CYFIP1: variants seen among roughly 807,000 people sequenced by gnomAD.
CYFIP1 encodes cytoplasmic FMR1-interacting protein 1.
CYFIP1 carries 58 observed loss-of-function variants against 163.5 expected under a neutral mutation model. The observed-to-expected ratio is 0.35, with a 90% confidence interval of 0.29 to 0.44. The LOEUF is 0.44. Ranked by LOEUF, CYFIP1 falls within the 20% of genes least tolerant of loss-of-function variation. The pLI, the probability that CYFIP1 is intolerant of heterozygous loss-of-function variation, is 1.00. For synonymous variants in CYFIP1, 663 were observed against 660.7 expected (o/e 1.00, Z -0.05); for missense variants, 1,338 against 1,653.8 (o/e 0.81, Z 3.31).
At chr15:22,883,751 A>G in intron 23 of CYFIP1, among the ~76,000 whole-genome samples, 1 of 141,176 alleles carries the variant, frequency 7.1e-6, no homozygotes, top group East Asian at 2.2e-4. Context: ...TGGGATGTGG[A>G]GCTTGCAGTG....
At chr15:22,957,358 C>T (rs1033727440) in intron 1 of CYFIP1, among the ~76,000 whole-genome samples, 18 of 152,214 alleles carry the variant, frequency 1.2e-4, no homozygotes, top group South Asian at 4.1e-4. Context: ...AAAAATTGGC[C>T]GGGCGCAGTG....
At chr15:22,874,786 C>G in intron 27 of CYFIP1, 142 bp from the exon 28 acceptor site, 2 of 617,544 alleles carry the variant, frequency 3.2e-6, no homozygotes, top group South Asian at 5.5e-5. Context: ...TTTTACAGAA[C>G]TGGCTCATTT....
At chr15:22,976,047 G>A (rs2140281911) in intron 1 of CYFIP1, among the ~76,000 whole-genome samples, 1 of 152,108 alleles carries the variant, frequency 6.6e-6, no homozygotes, top group South Asian at 2.1e-4. Context: ...TTACTTAAAT[G>A]ATCTTTGATT....
At chr15:22,907,312 T>C (rs1195911630) in intron 21 of CYFIP1, among the ~76,000 whole-genome samples, 7 of 152,200 alleles carry the variant, frequency 4.6e-5, no homozygotes, top group Non-Finnish European at 8.8e-5. Context: ...AACTCATGTG[T>C]ACTCAAATTG....
intron 13 of CYFIP1, among the ~76,000 whole-genome samples, chr15:22,920,201 G>A (rs1421559212): frequency 2.2e-5 from 2 of 91,904 alleles, no homozygotes; most frequent in African/African-American, 8.8e-5. Flanking sequence ...GTCTCACTCT[G>A]TTGCCCAGAC....
At chr15:22,943,753 C>T (rs1196456954) in intron 5 of CYFIP1, among the ~76,000 whole-genome samples, 2 of 152,114 alleles carry the variant, frequency 1.3e-5, no homozygotes, top group Non-Finnish European at 2.9e-5. Context: ...CCAGTTAGTT[C>T]CATCTCCTCC....
At chr15:22,932,646 CAA>C (rs1295044199) in intron 10 of CYFIP1, among the ~76,000 whole-genome samples, 1 of 152,230 alleles carries the variant, frequency 6.6e-6, no homozygotes, top group East Asian at 1.9e-4. Context: ...CAGTGCTTGG[CAA>C]AAGTCAATGA....
At chr15:22,951,718 C>A (rs1201666569) in intron 1 of CYFIP1, among the ~76,000 whole-genome samples, 1 of 152,326 alleles carries the variant, frequency 6.6e-6, no homozygotes, top group South Asian at 2.1e-4. Flanking sequence ...CCTGACCCCG[C>A]GCAGCACCCA....
chr15:22,917,607 C>T lies in CYFIP1; in HGVS notation c.1674+181G>A. The T allele has an allele frequency of 1.3e-6, 1 of 747,708 alleles. No individual in the cohort carries two copies. The highest frequency in any genetic ancestry group is 2.1e-6 in the Non-Finnish European group (1 of 485,378). The allele number at this position is 747,708 out of a possible 1,614,324, so 46.3% of individuals were successfully genotyped here. On this transcript the variant is annotated intron_variant, in intron 15 of 30. Transcript: ENST00000617928. The surrounding 1 kb of genome is among the most constrained non-coding windows in gnomAD (Gnocchi z 4.2). ...ATCTGACAATCAAGGCACGTCTCCT[C>T]ACGCTCCCAACTCACTTGGGTGGGA...
chr15:22,870,307 A>C, intron 30 of CYFIP1, 115 bp from the exon 31 acceptor site: 7 of 1,291,962 alleles, frequency 5.4e-6, no homozygotes, highest in Non-Finnish European at 7.5e-6. Flanking sequence ...AACGGAATTG[A>C]CACACATACT....
chr15:22,955,817 TCTC>T (rs1219597938), intron 1 of CYFIP1, among the ~76,000 whole-genome samples: 6 of 152,098 alleles, frequency 3.9e-5, no homozygotes, highest in African/African-American at 1.2e-4. Context: ...GGACCTCACT[TCTC>T]CACACAGCAG....
rs1285001416 is a variant in CYFIP1 at position 22,868,242 on chromosome 15, A to C, written c.*1786T>G. 6.6e-6 allele frequency: 1 copy of C among 152,194 alleles called. No individual in the cohort carries two copies. Among genetic ancestry groups the C allele is most frequent in the Non-Finnish European group, 1.5e-5 (1 of 68,038 alleles). The allele number at this position is 152,194 out of a possible 1,614,324, so 9.4% of individuals were successfully genotyped here. ...AACTGCCTCCTCCCATGCCATTTTA[A>C]TACTACAGATGTACTACGTATCTGT... is the stretch of plus-strand genomic sequence containing the variant. On this transcript the variant is annotated 3_prime_UTR_variant, in exon 31 of 31. Transcript: ENST00000617928.
chr15:22,925,806 C>T (rs984372371), intron 13 of CYFIP1, among the ~76,000 whole-genome samples, 176 bp downstream of exon 13: 2 of 152,114 alleles, frequency 1.3e-5, no homozygotes, highest in Admixed American at 6.6e-5. Flanking sequence ...GACCCAGGAC[C>T]GACAACCACT....
intron 1 of CYFIP1, among the ~76,000 whole-genome samples, chr15:22,965,241 C>G (rs112111493): frequency 6.6e-6 from 1 of 152,160 alleles, no homozygotes; most frequent in African/African-American, 2.4e-5. Context: ...GGCGGATCAC[C>G]TGAGGTCAGG....
chr15:22,975,419 G>A (rs535761089), intron 1 of CYFIP1, among the ~76,000 whole-genome samples: 18 of 123,462 alleles, frequency 1.5e-4, no homozygotes, highest in Admixed American at 1.4e-3. Flanking sequence ...GCAGTGAGCC[G>A]AGACAGAGCG....
At chr15:22,926,874 T>G (rs1282639825) in intron 12 of CYFIP1, among the ~76,000 whole-genome samples, 2 of 152,190 alleles carry the variant, frequency 1.3e-5, no homozygotes, top group Non-Finnish European at 2.9e-5. Context: ...GAACTCGAAT[T>G]TTTCTGGCAT....
intron 6 of CYFIP1, 141 bp downstream of exon 6, chr15:22,943,032 C>G: frequency 1.3e-6 from 1 of 741,600 alleles, no homozygotes; most frequent in South Asian, 1.8e-5. Flanking sequence ...GGTGCTCACA[C>G]AGCCCTGACA....
At chr15:22,890,332 G>C (rs1429154189) in intron 23 of CYFIP1, among the ~76,000 whole-genome samples, 6 of 150,130 alleles carry the variant, frequency 4.0e-5, no homozygotes, top group Admixed American at 4.0e-4. Context: ...AAAAAGAAAA[G>C]TCAACTTCAA....
chr15:22,881,212 G>A (rs910957468), intron 25 of CYFIP1, among the ~76,000 whole-genome samples: 14 of 152,166 alleles, frequency 9.2e-5, no homozygotes, highest in African/African-American at 1.4e-4. Flanking sequence ...GGTCACCCAC[G>A]TGCAGGCTCA....
Sources: gnomAD v4.1 joint callset for allele counts (sites outside exome capture counted in the v4.1 genomes callset) on GRCh38, gnomAD v4.1.1 for gene constraint, Gnocchi (gnomAD v3.1) non-coding constraint, MANE v1.5 for transcripts, NCBI Gene and HGNC (gene_info 2026-07-23, HGNC 2026-07-21) for gene names.